DPY19L3: variants seen among roughly 807,000 people sequenced by gnomAD.
The protein encoded by DPY19L3 is protein C-mannosyl-transferase DPY19L3.
DPY19L3 carries 51 observed loss-of-function variants against 92.3 expected under a neutral mutation model. That is an observed-to-expected ratio of 0.55 (90% CI 0.44 to 0.70). The LOEUF (loss-of-function observed/expected upper bound fraction) is 0.70. Among genes scored for constraint, DPY19L3 ranks in the 30% least tolerant of loss-of-function variants. The probability of loss-of-function intolerance (pLI) is 0.00; values close to 1 mark genes in which losing one functional copy is unlikely to be tolerated. For missense variants in DPY19L3, 706 were observed against 855.9 expected, an observed-to-expected ratio of 0.82 and a Z score of 2.18; for synonymous variants, 309 against 315.2, an observed-to-expected ratio of 0.98 and a Z score of 0.21.
intron 3 of DPY19L3, among the ~76,000 whole-genome samples, chr19:32,421,928 C>T (rs184035492): frequency 2.6e-5 from 4 of 152,176 alleles, no homozygotes; most frequent in East Asian, 1.9e-4. Flanking sequence ...TTTCGAAGAT[C>T]CCCAAAGCTA....
rs967039831 is a variant in DPY19L3 at position 32,482,305 on chromosome 19, A to G, written c.*65A>G. 9.0e-6 allele frequency: 14 copies of G among 1,559,178 alleles called. No individual in the cohort carries two copies. The highest frequency in any genetic ancestry group is 6.9e-5 in the African/African-American group (5 of 72,740). ...ACTGCATCATGATGAAACTCAATAG[A>G]TGACGTTTCCTATGTAAGTAGGTAG... On this transcript the variant is annotated 3_prime_UTR_variant, in exon 19 of 19. Coordinates refer to ENST00000392250, the MANE Select transcript of DPY19L3 (RefSeq NM_001172774.2).
chr19:32,411,490 G>A (rs1437270013), intron 3 of DPY19L3, 118 bp downstream of exon 3: 1 of 1,029,556 alleles, frequency 9.7e-7, no homozygotes, highest in African/African-American at 1.6e-5. Context: ...CTCTAGAAAG[G>A]TTGGACTATA....
intron 1 of DPY19L3, chr19:32,406,376 A>G (rs73034226): frequency 0.39 from 59,413 of 151,888 alleles, 13,659 homozygotes; most frequent in Non-Finnish European, 0.53. Flanking sequence ...TTTATTTTTT[A>G]GAGACAGGGG....
Position 32,458,101 on chromosome 19 carries a change from A to G in DPY19L3, c.1091A>G (p.Lys364Arg), listed in dbSNP as rs749215265. Residue 364 changes from lysine to arginine, a missense_variant and splice_region_variant, in exon 11 of 19, where the codon AAA (lysine) becomes AGA (arginine). Coordinates refer to ENST00000392250, the MANE Select transcript of DPY19L3 (RefSeq NM_001172774.2). ...TTTTGTTTTCTCTTTCCCCGATAGA[A>G]AATTCTTAACCTGAAGTCAGATGAA... ...LTLFLNNIIK[K>R]ILNLKSDEHI... 3 of 1,609,542 alleles carry G rather than the reference A, an allele frequency of 1.9e-6. No homozygotes were observed. Among genetic ancestry groups the G allele is most frequent in the Admixed American group, 3.4e-5 (2 of 58,892 alleles).
At chr19:32,424,129 C>A (rs1968674624) in intron 3 of DPY19L3, among the ~76,000 whole-genome samples, 1 of 151,970 alleles carries the variant, frequency 6.6e-6, no homozygotes, top group Admixed American at 6.6e-5. Flanking sequence ...CCAGCCTGGG[C>A]AACATAGTGA....
intron 12 of DPY19L3, among the ~76,000 whole-genome samples, chr19:32,460,564 TATA>T (rs1359213667): frequency 6.6e-6 from 1 of 152,240 alleles, no homozygotes; most frequent in Non-Finnish European, 1.5e-5. Flanking sequence ...TTGTAGACTT[TATA>T]AACACTGTGC....
intron 3 of DPY19L3, among the ~76,000 whole-genome samples, chr19:32,422,721 T>C (rs529258848): frequency 6.6e-6 from 1 of 151,934 alleles, no homozygotes; most frequent in Non-Finnish European, 1.5e-5. Context: ...AATCTACTAA[T>C]TGAAGGGGCA....
At chr19:32,468,665 AT>A in intron 15 of DPY19L3, 65 bp from the exon 16 acceptor site, 1 of 1,582,918 alleles carries the variant, frequency 6.3e-7, no homozygotes, top group African/African-American at 1.4e-5. Flanking sequence ...TTTTCATTTA[AT>A]CTTAGTGATA....
intron 9 of DPY19L3, among the ~76,000 whole-genome samples, chr19:32,453,963 CAAG>C (rs1320227855): frequency 5.9e-5 from 9 of 152,068 alleles, no homozygotes; most frequent in Admixed American, 3.9e-4. Flanking sequence ...ACTTCCGTGT[CAAG>C]AAGCCATTTT....
At chr19:32,411,172 AAGT>A (rs2145394546) in intron 2 of DPY19L3, 64 bp from the exon 3 acceptor site, 1 of 1,508,260 alleles carries the variant, frequency 6.6e-7, no homozygotes, top group Non-Finnish European at 9.0e-7. Flanking sequence ...TGATAATCTG[AAGT>A]AGAACTATTA....
chr19:32,430,364 A>G (rs1048010513), intron 3 of DPY19L3, among the ~76,000 whole-genome samples: 3 of 152,066 alleles, frequency 2.0e-5, no homozygotes, highest in Non-Finnish European at 4.4e-5. Flanking sequence ...CCTGGGTGAC[A>G]GAGTGAGACC....
At chr19:32,435,530 T>C (rs1469675087) in intron 4 of DPY19L3, among the ~76,000 whole-genome samples, 1 of 152,234 alleles carries the variant, frequency 6.6e-6, no homozygotes, top group Non-Finnish European at 1.5e-5. Flanking sequence ...TTTTGCTGGA[T>C]ACTGCAAAAT....
chr19:32,415,857 A>G (rs1035026980), intron 3 of DPY19L3, among the ~76,000 whole-genome samples: 16 of 152,352 alleles, frequency 1.1e-4, no homozygotes, highest in African/African-American at 3.6e-4. Context: ...TCCTACGGTG[A>G]AAGTCACACG....
chr19:32,468,132 G>A (rs527498224), intron 15 of DPY19L3: 21 of 965,742 alleles, frequency 2.2e-5, no homozygotes, highest in Admixed American at 1.8e-4. Context: ...TAGCTCTGCC[G>A]CTTGTGACTT....
intron 7 of DPY19L3, among the ~76,000 whole-genome samples, 181 bp downstream of exon 7, chr19:32,439,416 G>C (rs1251366673): frequency 1.5e-4 from 23 of 152,088 alleles, no homozygotes; most frequent in Admixed American, 7.9e-4. Context: ...CAAAGAAAAT[G>C]TTTTCATTTT....
intron 4 of DPY19L3, among the ~76,000 whole-genome samples, chr19:32,436,201 G>T (rs974661466): frequency 6.6e-6 from 1 of 152,228 alleles, no homozygotes; most frequent in East Asian, 1.9e-4. Flanking sequence ...TGTGGTGGTG[G>T]TGGTGGTGGT....
intron 17 of DPY19L3, 53 bp downstream of exon 17, chr19:32,477,707 G>A (rs912600340): frequency 5.7e-5 from 92 of 1,604,736 alleles, no homozygotes; most frequent in South Asian, 1.2e-4. Flanking sequence ...TATGGGCTGC[G>A]TGTCCCTATG....
chr19:32,438,896 C>G (rs1174290356), intron 6 of DPY19L3: 2 of 540,562 alleles, frequency 3.7e-6, no homozygotes, highest in African/African-American at 3.8e-5. Flanking sequence ...AGGGCATACC[C>G]ATGGACAGAG....
At chr19:32,439,302 G>A (rs1969250072) in intron 7 of DPY19L3, 67 bp downstream of exon 7, 4 of 1,521,852 alleles carry the variant, frequency 2.6e-6, no homozygotes, top group South Asian at 2.4e-5. Flanking sequence ...CAAAAAATGT[G>A]ATGTGCTTAG....
Sources: gnomAD v4.1 joint callset for allele counts (sites outside exome capture counted in the v4.1 genomes callset) on GRCh38, gnomAD v4.1.1 for gene constraint, MANE v1.5 for transcripts, NCBI Gene and HGNC (gene_info 2026-07-23, HGNC 2026-07-21) for gene names.